TIMMDC1: variants seen among roughly 807,000 people sequenced by gnomAD.
TIMMDC1 encodes complex I assembly factor TIMMDC1, mitochondrial.
Under a neutral mutation model 32.6 loss-of-function variants are expected in TIMMDC1, and 25 were observed. The observed-to-expected ratio is 0.77, with a 90% CI of 0.56 to 1.07. TIMMDC1 has a LOEUF of 1.07. Ranked by LOEUF, TIMMDC1 falls within the 50% of genes least tolerant of loss-of-function variation. TIMMDC1 has a pLI of 0.00. For synonymous variants in TIMMDC1, 130 were observed against 127.6 expected (o/e 1.02, Z -0.13); for missense variants, 329 against 349.2 (o/e 0.94, Z 0.46).
intron 4 of TIMMDC1, among the ~76,000 whole-genome samples, chr3:119,504,930 T>C (rs1262565851): frequency 6.6e-5 from 10 of 152,004 alleles, no homozygotes; most frequent in Admixed American, 6.6e-4. Flanking sequence ...ATACAAAAAT[T>C]AGCTGGGTGT....
chr3:119,510,671 A>G (rs552869231), intron 4 of TIMMDC1, among the ~76,000 whole-genome samples: 7 of 152,234 alleles, frequency 4.6e-5, no homozygotes, highest in Non-Finnish European at 1.0e-4. Flanking sequence ...GTGGTTTAAG[A>G]ATAGACCATT....
chr3:119,500,906 A>G (rs750156559), intron 2 of TIMMDC1, 46 bp downstream of exon 2: 1 of 1,572,736 alleles, frequency 6.4e-7, no homozygotes, highest in South Asian at 1.2e-5. Flanking sequence ...CTGACTTAGT[A>G]ATTCACTTTA....
Position 119,524,908 on chromosome 3 carries a change from G to A in TIMMDC1, c.*1152G>A, listed in dbSNP as rs1209746462. 6.6e-6 allele frequency: 1 copy of A among 152,166 alleles called. No individual in the cohort carries two copies. Among genetic ancestry groups the A allele is most frequent in the Non-Finnish European group, 1.5e-5 (1 of 68,034 alleles). 9.4% of individuals were successfully genotyped at this position (152,166 alleles called of 1,614,324 possible). A position where few individuals can be genotyped will look rare whatever the true frequency, so the allele number is the denominator to read the frequency against. Reference sequence around the variant, plus strand: ...ACATTTGAAGATAGCTTACTGCTTAGTACATACACTGTAAACAACGATCTC... The same window carrying A: ...ACATTTGAAGATAGCTTACTGCTTAATACATACACTGTAAACAACGATCTC... On this transcript the variant is annotated 3_prime_UTR_variant, in exon 7 of 7. Coordinates refer to ENST00000494664, the MANE Select transcript of TIMMDC1 (RefSeq NM_016589.4).
At chr3:119,500,965 GT>G in intron 2 of TIMMDC1, 105 bp downstream of exon 2, 2 of 1,171,254 alleles carry the variant, frequency 1.7e-6, no homozygotes, top group Non-Finnish European at 2.4e-6. Context: ...GTTTTAAGGT[GT>G]CAGAGTAAAG....
rs760852857 is a variant in TIMMDC1, at chr3:119,498,914, C to T, written c.181C>T (p.Leu61=). The T allele has an allele frequency of 6.2e-7, 1 of 1,614,074 alleles. No homozygotes were observed. The highest frequency in any genetic ancestry group is 1.1e-5 in the South Asian group (1 of 91,082). The change falls in exon 1 of 7, where the codon CTG becomes TTG. Residue 61 remains leucine (L), a synonymous_variant. Transcript: ENST00000494664. ...PESGWDRLRE[L]FGKDEQQRIS... ...ATCTGGATGGGACCGCCTCCGGGAG[C>T]TGTTTGGCAAAGAGTAAAAGTGCCT...
At chr3:119,508,416 A>G (rs1195545788) in intron 4 of TIMMDC1, among the ~76,000 whole-genome samples, 1 of 152,066 alleles carries the variant, frequency 6.6e-6, no homozygotes, top group Non-Finnish European at 1.5e-5. Flanking sequence ...CCATGATCTC[A>G]CTTCTTTGGT....
At chr3:119,521,125 A>C (rs984366773) in intron 6 of TIMMDC1, among the ~76,000 whole-genome samples, 2 of 152,214 alleles carry the variant, frequency 1.3e-5, no homozygotes, top group African/African-American at 4.8e-5. Context: ...CACAGCTAAT[A>C]TCATACTGAA....
intron 1 of TIMMDC1, among the ~76,000 whole-genome samples, chr3:119,499,906 G>T (rs1172298646): frequency 1.3e-5 from 2 of 152,178 alleles, no homozygotes; most frequent in African/African-American, 4.8e-5. Flanking sequence ...GCCACCCACT[G>T]CATAGTGAAC....
chr3:119,511,074 G>A (rs2081948991), intron 4 of TIMMDC1, among the ~76,000 whole-genome samples: 1 of 152,110 alleles, frequency 6.6e-6, no homozygotes, highest in African/African-American at 2.4e-5. Flanking sequence ...TGCACTTAAA[G>A]ACATACATTT....
intron 6 of TIMMDC1, among the ~76,000 whole-genome samples, chr3:119,522,803 T>TG (rs368811664): frequency 0.029 from 3,681 of 126,356 alleles, 54 homozygotes; most frequent in Middle Eastern, 0.045. Context: ...CGTATGGGTG[T>TG]TTGTGTGTGT....
chr3:119,500,982 A>C, intron 2 of TIMMDC1, 122 bp downstream of exon 2: 1 of 980,164 alleles, frequency 1.0e-6, no homozygotes, highest in South Asian at 1.8e-5. Flanking sequence ...TAAAGAAATA[A>C]AGTCTGTACT....
chr3:119,503,719 T>C, intron 3 of TIMMDC1, 99 bp downstream of exon 3: 1 of 963,886 alleles, frequency 1.0e-6, no homozygotes, highest in Non-Finnish European at 1.5e-6. Context: ...AATACCCACA[T>C]GAAAGTGATT....
intron 6 of TIMMDC1, among the ~76,000 whole-genome samples, chr3:119,522,575 A>G (rs2082034158): frequency 6.6e-6 from 1 of 152,232 alleles, no homozygotes; most frequent in African/African-American, 2.4e-5. Context: ...GAATGGTCCC[A>G]GCAGTATGAA....
chr3:119,515,225 A>C lies in TIMMDC1; in HGVS notation c.596+1506A>C, dbSNP rs1006847047. ...CTCCATCTCAAAAAAAAAAAAAAAA[A>C]GAGGAAAAACTAAAAAAGAATTTAC... On this transcript the variant is annotated intron_variant, in intron 5 of 6. Transcript: ENST00000494664. Among the ~76,000 whole-genome samples the C allele has an allele frequency of 2.1e-5, 3 of 143,956 alleles. No individual in the cohort carries two copies. In the Admixed American group the frequency reaches 2.1e-4, roughly 10 times the overall value. The allele number at this position is 143,956 out of a possible 152,430, so 94.4% of individuals were successfully genotyped here.
rs1577097055 is a variant in TIMMDC1 at position 119,505,878 on chromosome 3, T to G, written c.517+1857T>G. ...TCTCCCTCTTCTCTGTGTATATGTG[T>G]ACACACATGGGAAAACACACAATTT... On this transcript the variant is annotated intron_variant, in intron 4 of 6. Transcript: ENST00000494664. Among the ~76,000 whole-genome samples, 2 of 152,340 alleles carry G rather than the reference T, an allele frequency of 1.3e-5. 1 individual carries two copies.
intron 4 of TIMMDC1, among the ~76,000 whole-genome samples, chr3:119,512,529 C>T (rs528627647): frequency 3.3e-5 from 5 of 152,074 alleles, no homozygotes; most frequent in Admixed American, 6.6e-5. Flanking sequence ...CCACCCGTCT[C>T]GGCCTCCTAA....
intron 4 of TIMMDC1, among the ~76,000 whole-genome samples, chr3:119,506,801 C>T (rs557454268): frequency 4.2e-4 from 64 of 152,282 alleles, no homozygotes; most frequent in Admixed American, 1.3e-3. Flanking sequence ...GGCTTCCATG[C>T]GCCACTCTTT....
intron 4 of TIMMDC1, among the ~76,000 whole-genome samples, chr3:119,511,377 A>G (rs951892069): frequency 6.6e-6 from 1 of 151,868 alleles, no homozygotes; most frequent in Non-Finnish European, 1.5e-5. Flanking sequence ...TGGGAGACTG[A>G]GGTGGGGGAG....
intron 4 of TIMMDC1, among the ~76,000 whole-genome samples, chr3:119,505,939 A>G (rs1246710503): frequency 6.6e-6 from 1 of 152,174 alleles, no homozygotes; most frequent in Non-Finnish European, 1.5e-5. Flanking sequence ...TCAGGGGTAC[A>G]TGTACAGGAT....
Sources: gnomAD v4.1 joint callset for allele counts (sites outside exome capture counted in the v4.1 genomes callset) on GRCh38, gnomAD v4.1.1 for gene constraint, MANE v1.5 for transcripts, NCBI Gene and HGNC (gene_info 2026-07-23, HGNC 2026-07-21) for gene names.